KCNQ1: variants seen among roughly 807,000 people sequenced by gnomAD.
KCNQ1 encodes the protein potassium voltage-gated channel subfamily KQT member 1.
KCNQ1 carries 49 observed loss-of-function variants against 72.4 expected under a neutral mutation model. The ratio of observed to expected loss-of-function variants is 0.68; its 90% CI spans 0.54 to 0.86. KCNQ1 has a LOEUF of 0.86. KCNQ1 is among the 40% of genes least tolerant of loss of function. The probability of loss-of-function intolerance (pLI) is 0.00; values close to 1 mark genes in which losing one functional copy is unlikely to be tolerated. For missense variants in KCNQ1, 790 were observed against 945.1 expected, an observed-to-expected ratio of 0.84 and a Z score of 2.15; for synonymous variants, 450 against 412.6, an observed-to-expected ratio of 1.09 and a Z score of -1.10.
intron 2 of KCNQ1, among the ~76,000 whole-genome samples, chr11:2,531,865 A>C (rs1235698715): frequency 1.3e-5 from 2 of 152,142 alleles, no homozygotes; most frequent in Non-Finnish European, 2.9e-5. Context: ...AGGACTTTCT[A>C]AGACAAAAAC....
chr11:2,622,046 G>A, intron 10 of KCNQ1: 1 of 394,914 alleles, frequency 2.5e-6, no homozygotes, highest in Admixed American at 4.5e-5. Flanking sequence ...TTTGCTGCAT[G>A]TTTTGCTTTT....
At chr11:2,619,238 A>G in intron 10 of KCNQ1, 1 of 398,564 alleles carries the variant, frequency 2.5e-6, no homozygotes, top group Non-Finnish European at 4.4e-6. Context: ...TAGAGTGGGC[A>G]TCCTTGCCTT....
Position 2,624,803 on chromosome 11 carries a change from A to C in KCNQ1, c.1393+35949A>C, listed in dbSNP as rs1048928536. ...TACTTTCTATGTCTCTGATTTGACTATTCTACATACCTCATATAAGTGGAA... is the reference window on the plus strand; with the variant it reads ...TACTTTCTATGTCTCTGATTTGACTCTTCTACATACCTCATATAAGTGGAA... On this transcript the variant is annotated intron_variant, in intron 10 of 15. Coordinates refer to ENST00000155840, the MANE Select transcript of KCNQ1 (RefSeq NM_000218.3). This position sits in a 1 kb window ranked among gnomAD's most constrained non-coding sequence, Gnocchi z 4.9. 2.5e-6 allele frequency: 1 copy of C among 398,396 alleles called. No individual in the cohort carries two copies. The highest frequency in any genetic ancestry group is 4.4e-6 in the Non-Finnish European group (1 of 226,050). 24.7% of individuals were successfully genotyped at this position (398,396 alleles called of 1,614,324 possible).
In KCNQ1 at chr11:2,493,245, A is replaced by T. The variant is rs574160784; in HGVS notation, c.387-34683A>T. Among the ~76,000 whole-genome samples, 4 of 151,904 alleles carry T rather than the reference A, an allele frequency of 2.6e-5. No individual in the cohort carries two copies. The South Asian group carries it at 8.3e-4, about 32-fold the overall frequency. On this transcript the variant is annotated intron_variant, in intron 1 of 15. Coordinates refer to ENST00000155840, the MANE Select transcript of KCNQ1 (RefSeq NM_000218.3). This position sits in a 1 kb window ranked among gnomAD's most constrained non-coding sequence, Gnocchi z 5.3. ...AATTTAAGTTCCTTGTAGATTTTGG[A>T]TATTAGACCTTGTCAGATGGATAGA...
chr11:2,833,385 C>T (rs1050695747), intron 15 of KCNQ1, among the ~76,000 whole-genome samples: 1 of 152,202 alleles, frequency 6.6e-6, no homozygotes, highest in African/African-American at 2.4e-5. Context: ...CTTCTCCCCT[C>T]ATAGGATCCC....
intron 6 of KCNQ1, 146 bp from the exon 7 acceptor site, chr11:2,583,289 T>A (rs1014449344): frequency 4.2e-6 from 3 of 716,762 alleles, no homozygotes; most frequent in Non-Finnish European, 5.1e-6. Flanking sequence ...TTCCTGGTGC[T>A]TTCGCCGAGT....
In KCNQ1 at chr11:2,657,737, G is replaced by C. The variant is rs970792015; in HGVS notation, c.1394-4224G>C. The C allele has an allele frequency of 5.0e-6, 2 of 398,356 alleles. No individual in the cohort carries two copies. The highest frequency in any genetic ancestry group is 4.4e-5 in the Admixed American group (1 of 22,700). The allele number at this position is 398,356 out of a possible 1,614,324, so 24.7% of individuals were successfully genotyped here. On this transcript the variant is annotated intron_variant, in intron 10 of 15. Coordinates refer to ENST00000155840, the MANE Select transcript of KCNQ1 (RefSeq NM_000218.3). The surrounding 1 kb of genome is among the most constrained non-coding windows in gnomAD (Gnocchi z 4.8). ...ATTACATTTATTGTCATCTCTGATCGGTGACGGGCTTCTCAGTCTTGTTCT... is the reference window on the plus strand; with the variant it reads ...ATTACATTTATTGTCATCTCTGATCCGTGACGGGCTTCTCAGTCTTGTTCT...
rs1180040452 is a variant in KCNQ1, at chr11:2,479,112, T to C, written c.386+33628T>C. ...TTGAGCAGCTCTGCCCCTCTGGCTT[T>C]GCAGGGTACAGCCTCCCTCCTGGCT... On this transcript the variant is annotated intron_variant, in intron 1 of 15. Coordinates refer to ENST00000155840, the MANE Select transcript of KCNQ1 (RefSeq NM_000218.3). This position sits in a 1 kb window ranked among gnomAD's most constrained non-coding sequence, Gnocchi z 4.6. 6.6e-6 allele frequency among the ~76,000 whole-genome samples: 1 copy of C among 152,230 alleles called. No individual in the cohort carries two copies. Among genetic ancestry groups the C allele is most frequent in the Admixed American group, 6.5e-5 (1 of 15,286 alleles).
rs1288893675 is a variant in KCNQ1 at position 2,567,125 on chromosome 11, C to T, written c.478-3503C>T. ...TGGGAAGGAGGCCTCAGGGACAGCC[C>T]TAGACTGTCACCCTCAGTGTGGACA... On this transcript the variant is annotated intron_variant, in intron 2 of 15. Transcript: ENST00000155840. This position sits in a 1 kb window ranked among gnomAD's most constrained non-coding sequence, Gnocchi z 6.6. 6.6e-6 allele frequency among the ~76,000 whole-genome samples: 1 copy of T among 152,062 alleles called. No homozygotes were observed. The highest frequency in any genetic ancestry group is 1.5e-5 in the Non-Finnish European group (1 of 67,988).
chr11:2,502,017 A>G (rs1447385650), intron 1 of KCNQ1, among the ~76,000 whole-genome samples: 2 of 152,234 alleles, frequency 1.3e-5, no homozygotes, highest in South Asian at 2.1e-4. Context: ...AAAAACTGTC[A>G]AAAACCTAGG....
At position 2,570,759 on chromosome 11, in the gene KCNQ1, G is replaced by A. The variant is rs1256534511; in HGVS notation, c.604+5G>A. On this transcript the variant is annotated splice_donor_5th_base_variant and intron_variant, in intron 3 of 15. Coordinates refer to ENST00000155840, the MANE Select transcript of KCNQ1 (RefSeq NM_000218.3). The stretch of plus-strand genomic sequence containing the variant: ...GGAAGCCCATTTCCATCATCGGTGA[G>A]TCATGCCTGCCCTGTGGAGGTCACG... 1.2e-6 allele frequency: 2 copies of A among 1,610,170 alleles called. No homozygotes were observed. Among genetic ancestry groups the A allele is most frequent in the Non-Finnish European group, 1.7e-6 (2 of 1,179,960 alleles).
intron 10 of KCNQ1, chr11:2,646,539 G>T: frequency 2.5e-6 from 1 of 398,534 alleles, no homozygotes; most frequent in Non-Finnish European, 4.4e-6. Context: ...GGAGGCAGGG[G>T]AGTGCAGACA....
intron 2 of KCNQ1, among the ~76,000 whole-genome samples, chr11:2,535,052 T>C (rs1847706817): frequency 1.3e-5 from 2 of 152,066 alleles, no homozygotes; most frequent in African/African-American, 4.8e-5. Context: ...GGGCACGGGG[T>C]GGCCTGCAGC....
rs141538180 is a variant in KCNQ1 at position 2,575,773 on chromosome 11, G to T, written c.921+2787G>T. ...GCTGCATCTGCCCCAGACCTTGCCT[G>T]GACTCTGTGGACTCCTCACCCCTCA... is the stretch of plus-strand genomic sequence containing the variant. On this transcript the variant is annotated intron_variant, in intron 6 of 15. Coordinates refer to ENST00000155840, the MANE Select transcript of KCNQ1 (RefSeq NM_000218.3). Among the ~76,000 whole-genome samples, 180 of 152,276 alleles carry T rather than the reference G, an allele frequency of 1.2e-3. 4 individuals are homozygous for T. In the East Asian group the frequency reaches 0.034, roughly 29 times the overall value.
rs539638798 is a variant in KCNQ1, at chr11:2,460,652, CA to C, written c.386+15171del. ...CGCAAATTTGCATGGGCCCCTTTGC[CA>C]AAGCCCTGTGCCCACTGCTGGGGAA... On this transcript the variant is annotated intron_variant, in intron 1 of 15. Transcript: ENST00000155840. 2.7e-3 allele frequency among the ~76,000 whole-genome samples: 408 copies of C among 152,360 alleles called. 1 individual carries two copies. The highest frequency in any genetic ancestry group is 9.2e-3 in the African/African-American group (381 of 41,582).
intron 11 of KCNQ1, chr11:2,680,324 C>CA (rs34634347): frequency 0.6 from 235,302 of 390,472 alleles, 74,537 homozygotes; most frequent in East Asian, 0.98. Flanking sequence ...TTCCCCACCT[C>CA]AAAAAAAAAG....
chr11:2,550,181 A>G lies in KCNQ1; in HGVS notation c.478-20447A>G, dbSNP rs1190003001. 6.6e-6 allele frequency among the ~76,000 whole-genome samples: 1 copy of G among 152,244 alleles called. No homozygotes were observed. The highest frequency in any genetic ancestry group is 2.4e-5 in the African/African-American group (1 of 41,472). ...TGGATGGACATCCCGCAGGCAGTGCACGTCCCTCCCCCGCCTCTCTTTGCC... is the reference window on the plus strand; with the variant it reads ...TGGATGGACATCCCGCAGGCAGTGCGCGTCCCTCCCCCGCCTCTCTTTGCC... On this transcript the variant is annotated intron_variant, in intron 2 of 15. Coordinates refer to ENST00000155840, the MANE Select transcript of KCNQ1 (RefSeq NM_000218.3). The surrounding 1 kb of genome is among the most constrained non-coding windows in gnomAD (Gnocchi z 6.0).
At position 2,477,248 on chromosome 11, in the gene KCNQ1, G is replaced by A. The variant is rs114025219; in HGVS notation, c.386+31764G>A. ...GTGTTCAAGGCAGGATGGAGATACC[G>A]TATGGGCATTCACTGGACAGTGTTT... On this transcript the variant is annotated intron_variant, in intron 1 of 15. Coordinates refer to ENST00000155840, the MANE Select transcript of KCNQ1 (RefSeq NM_000218.3). The surrounding 1 kb of genome is among the most constrained non-coding windows in gnomAD (Gnocchi z 5.0). Among the ~76,000 whole-genome samples, 746 of 152,284 alleles carry A rather than the reference G, an allele frequency of 4.9e-3. 9 individuals are homozygous for A. Among genetic ancestry groups the A allele is most frequent in the African/African-American group, 0.011 (437 of 41,568 alleles).
At chr11:2,791,634 C>G (rs913853583) in intron 15 of KCNQ1, among the ~76,000 whole-genome samples, 1 of 151,954 alleles carries the variant, frequency 6.6e-6, no homozygotes, top group Non-Finnish European at 1.5e-5. Flanking sequence ...AGGCCCAGCA[C>G]GTCCCGGGCC....
Sources: allele counts gnomAD v4.1 joint callset (sites outside exome capture counted in the v4.1 genomes callset), GRCh38; gene constraint gnomAD v4.1.1; non-coding constraint Gnocchi (gnomAD v3.1); transcripts MANE v1.5; gene names NCBI Gene and HGNC (gene_info 2026-07-23, HGNC 2026-07-21).